JAKMIP3: variants seen among roughly 807,000 people sequenced by gnomAD.
JAKMIP3 encodes Janus kinase and microtubule interacting protein 3.
In JAKMIP3, 58 loss-of-function variants were observed where a neutral mutation model predicts 118.5. The observed-to-expected ratio is 0.49, with a 90% CI of 0.40 to 0.61. The LOEUF (loss-of-function observed/expected upper bound fraction) is 0.61. JAKMIP3 is among the 20% of genes least tolerant of loss of function. The pLI, the probability that JAKMIP3 is intolerant of heterozygous loss-of-function variation, is 0.00. For missense variants in JAKMIP3, 950 were observed against 1,109.0 expected (o/e 0.86, Z 2.04); for synonymous variants, 486 against 451.2 (o/e 1.08, Z -0.98).
intron 16 of JAKMIP3, among the ~76,000 whole-genome samples, chr10:132,151,354 C>T (rs560133931): frequency 6.6e-6 from 1 of 152,354 alleles, no homozygotes; most frequent in East Asian, 1.9e-4. Flanking sequence ...CCACTTCCTC[C>T]ATCCAGTGCT....
rs566203947 is a variant in JAKMIP3, at chr10:132,102,865, T to C, written c.-137-1807T>C. Among the ~76,000 whole-genome samples, 3 of 151,894 alleles carry C rather than the reference T, an allele frequency of 2.0e-5. No homozygotes were observed. The South Asian group carries it at 6.3e-4, about 32-fold the overall frequency. On this transcript the variant is annotated intron_variant, in intron 1 of 23. Coordinates refer to ENST00000684848, the MANE Select transcript of JAKMIP3 (RefSeq NM_001323087.2). The stretch of plus-strand genomic sequence containing the variant: ...TGATAAATAGGGGGCTGGAGACAGA[T>C]GCAGGAGTAGGGGGGGAGGGCTGTG...
At chr10:132,123,284 G>C (rs576863224) in intron 3 of JAKMIP3, among the ~76,000 whole-genome samples, 1 of 152,192 alleles carries the variant, frequency 6.6e-6, no homozygotes, top group Non-Finnish European at 1.5e-5. Context: ...TGAGAGAGCC[G>C]TCTGGGTGCA....
chr10:132,167,828 A>G (rs114824657), intron 22 of JAKMIP3, 125 bp from the exon 23 acceptor site: 5,553 of 441,260 alleles, frequency 0.013, 186 homozygotes, highest in African/African-American at 0.093. Context: ...CTCGGCCCTC[A>G]CCCCTCGGCC....
At chr10:132,132,551 A>G (rs2050843195) in intron 3 of JAKMIP3, among the ~76,000 whole-genome samples, 1 of 141,418 alleles carries the variant, frequency 7.1e-6, no homozygotes, top group Admixed American at 6.9e-5. Flanking sequence ...GCCACGTTGT[A>G]GGGAGGGTGG....
Position 132,133,489 on chromosome 10 carries a change from G to T in JAKMIP3, c.811G>T (p.Ala271Ser), listed in dbSNP as rs1284334726. The T allele has an allele frequency of 3.2e-6, 5 of 1,578,494 alleles. No homozygotes were observed. The highest frequency in any genetic ancestry group is 4.3e-6 in the Non-Finnish European group (5 of 1,163,028). Reference protein sequence around the residue: ...GSPRRELPHAAGAGDASDHSG... With the variant: ...GSPRRELPHASGAGDASDHSG... Reference sequence around the variant, plus strand: ...CCCCAGACGGGAACTTCCTCATGCAGCTGGTGCAGGAGACGCTTCAGACCA... The same window carrying T: ...CCCCAGACGGGAACTTCCTCATGCATCTGGTGCAGGAGACGCTTCAGACCA... Residue 271 changes from alanine to serine, a missense_variant, in exon 4 of 24, where the codon GCT becomes TCT. Transcript: ENST00000684848.
At position 132,104,757 on chromosome 10, in the gene JAKMIP3, C is replaced by A. The variant is rs1309957003; in HGVS notation, c.-52C>A. 6.5e-7 allele frequency: 1 copy of A among 1,534,862 alleles called. No homozygotes were observed. On this transcript the variant is annotated 5_prime_UTR_variant, in exon 2 of 24. Transcript: ENST00000684848. Reference sequence around the variant, plus strand: ...GACACCCCAGCCACCCCCAGCCCAGCCCAGCCGGAGCACCCTACCCCTGGG... The same window carrying A: ...GACACCCCAGCCACCCCCAGCCCAGACCAGCCGGAGCACCCTACCCCTGGG...
Position 132,137,246 on chromosome 10 carries a change from T to C in JAKMIP3, c.1249-8T>C. The C allele has an allele frequency of 2.5e-6, 4 of 1,613,924 alleles. No homozygotes were observed. Among genetic ancestry groups the C allele is most frequent in the Non-Finnish European group, 3.4e-6 (4 of 1,179,874 alleles). ...GCAATTCCGTAACATGCTGTCTTCC[T>C]TTCCTAGACCCTTGAGACCGCCGGC... On this transcript the variant is annotated splice_region_variant and splice_polypyrimidine_tract_variant and intron_variant, in intron 7 of 23. Transcript: ENST00000684848.
In JAKMIP3 at chr10:132,109,065, T is replaced by TAC. The variant is rs1197139440; in HGVS notation, c.135+4128_135+4129dup. Among the ~76,000 whole-genome samples, 9 of 1,606 alleles carry TAC rather than the reference T, an allele frequency of 5.6e-3. 2 individuals are homozygous for TAC. The highest frequency in any genetic ancestry group is 0.091 in the South Asian group (2 of 22). The allele number at this position is 1,606 out of a possible 152,430, so 1.1% of individuals were successfully genotyped here. A position where few individuals can be genotyped will look rare whatever the true frequency, so the allele number is the denominator to read the frequency against. On this transcript the variant is annotated intron_variant, in intron 2 of 23. Transcript: ENST00000684848. ...ATATACACACACATACATGCACATA[T>TAC]ACACACATACACATATATATACACA... is the stretch of plus-strand genomic sequence containing the variant.
intron 1 of JAKMIP3, among the ~76,000 whole-genome samples, chr10:132,085,374 T>G (rs1460205004): frequency 6.6e-6 from 1 of 152,254 alleles, no homozygotes; most frequent in East Asian, 1.9e-4. Flanking sequence ...TTTAGTAGCC[T>G]TGAATGATCT....
At chr10:132,111,973 G>A (rs552890741) in intron 2 of JAKMIP3, among the ~76,000 whole-genome samples, 64 of 152,098 alleles carry the variant, frequency 4.2e-4, no homozygotes, top group African/African-American at 1.5e-3. Context: ...TCTGTGGGTG[G>A]ATGGTGTGTG....
chr10:132,153,455 C>T (rs1175874646), intron 17 of JAKMIP3, among the ~76,000 whole-genome samples: 5 of 152,190 alleles, frequency 3.3e-5, no homozygotes, highest in Non-Finnish European at 7.3e-5. Flanking sequence ...GAGAAACAGG[C>T]CACCCCTCCC....
In JAKMIP3 at chr10:132,139,298, ATG is replaced by A. The variant is rs774190198; in HGVS notation, c.1344+1127_1344+1128del. Among the ~76,000 whole-genome samples, 125 of 83,018 alleles carry A rather than the reference ATG, an allele frequency of 1.5e-3. 4 individuals are homozygous for A. The highest frequency in any genetic ancestry group is 0.01 in the South Asian group (21 of 2,050). The allele number at this position is 83,018 out of a possible 152,430, so 54.5% of individuals were successfully genotyped here. A position where few individuals can be genotyped will look rare whatever the true frequency, so the allele number is the denominator to read the frequency against. On this transcript the variant is annotated intron_variant, in intron 9 of 23. Transcript: ENST00000684848. ...CATGTGAGTGTATATGCATCTGTGT[ATG>A]TGTGTGAGTGTGTATGTGTATGTGT... is the stretch of plus-strand genomic sequence containing the variant.
At chr10:132,180,650 TGC>T (rs1428607821) in intron 23 of JAKMIP3, among the ~76,000 whole-genome samples, 1,207 of 28,158 alleles carry the variant, frequency 0.043, 178 homozygotes, top group East Asian at 0.079. Context: ...TGTGTGCGTG[TGC>T]GTGTGCGTGT....
At chr10:132,149,337 T>C in intron 14 of JAKMIP3, 75 bp from the exon 15 acceptor site, 1 of 990,900 alleles carries the variant, frequency 1.0e-6, no homozygotes, top group Non-Finnish European at 1.5e-6. Context: ...CCCGTGTTCC[T>C]CAGGCCCCAG....
At chr10:132,150,893 C>A (rs1188882649) in intron 16 of JAKMIP3, among the ~76,000 whole-genome samples, 2 of 152,006 alleles carry the variant, frequency 1.3e-5, no homozygotes, top group East Asian at 3.9e-4. Context: ...TATCCTTCAT[C>A]CATCATCCTT....
chr10:132,107,044 C>T (rs902610152), intron 2 of JAKMIP3, among the ~76,000 whole-genome samples: 2 of 133,650 alleles, frequency 1.5e-5, no homozygotes, highest in South Asian at 2.5e-4. Flanking sequence ...CCACCATGTC[C>T]GGCTATTTTT....
upstream of JAKMIP3, among the ~76,000 whole-genome samples, chr10:132,060,199 A>G (rs2038352640): frequency 6.6e-6 from 1 of 152,144 alleles, no homozygotes. Flanking sequence ...GGAATGTTTT[A>G]GGGGGACTTT....
intron 1 of JAKMIP3, among the ~76,000 whole-genome samples, chr10:132,050,391 C>T (rs910136911): frequency 6.6e-6 from 1 of 152,196 alleles, no homozygotes; most frequent in Non-Finnish European, 1.5e-5. Context: ...CCAATGGACC[C>T]TTCATCGCTC....
intron 1 of JAKMIP3, among the ~76,000 whole-genome samples, chr10:132,071,508 T>G (rs1018476506): frequency 6.6e-6 from 1 of 152,228 alleles, no homozygotes; most frequent in Non-Finnish European, 1.5e-5. Flanking sequence ...GTGAATATCC[T>G]TACCAATTTT....
Sources: allele counts gnomAD v4.1 joint callset (sites outside exome capture counted in the v4.1 genomes callset), GRCh38; gene constraint gnomAD v4.1.1; transcripts MANE v1.5; gene names NCBI Gene and HGNC (gene_info 2026-07-23, HGNC 2026-07-21).